RBMS1: variants seen among roughly 807,000 people sequenced by gnomAD.
The protein encoded by RBMS1 is RNA binding motif single stranded interacting protein 1.
A neutral mutation model predicts 62.3 loss-of-function variants in RBMS1; 17 were observed. That is an observed-to-expected ratio of 0.27 (90% CI 0.19 to 0.41). RBMS1 has a LOEUF of 0.41. Ranked by LOEUF, RBMS1 falls within the 10% of genes least tolerant of loss-of-function variation. The pLI is 1.00. For synonymous variants in RBMS1, 172 were observed against 170.0 expected (o/e 1.01, Z -0.09); for missense variants, 334 against 504.5 (o/e 0.66, Z 3.24).
At chr2:160,282,479 C>T in intron 9 of RBMS1, 1 of 403,784 alleles carries the variant, frequency 2.5e-6, no homozygotes, top group Non-Finnish European at 4.8e-6. Context: ...GTGCAGGGCC[C>T]TCACTGGATA....
intron 1 of RBMS1, among the ~76,000 whole-genome samples, chr2:160,437,090 A>G (rs760583386): frequency 2.6e-5 from 4 of 152,176 alleles, no homozygotes; most frequent in Non-Finnish European, 5.9e-5. Flanking sequence ...TTTAGCTTGG[A>G]CCCTGGAAGA....
chr2:160,464,528 G>A (rs1308444151), intron 1 of RBMS1, among the ~76,000 whole-genome samples: 1 of 152,122 alleles, frequency 6.6e-6, no homozygotes, highest in Non-Finnish European at 1.5e-5. Context: ...AGAAAGGCAG[G>A]CAATATTTTC....
chr2:160,296,787 A>G (rs1000459751), intron 6 of RBMS1, among the ~76,000 whole-genome samples: 2 of 152,208 alleles, frequency 1.3e-5, no homozygotes, highest in Non-Finnish European at 2.9e-5. Flanking sequence ...TTGCATAGAA[A>G]AAGTGGCAAA....
At chr2:160,474,696 G>C (rs910441467) in intron 1 of RBMS1, among the ~76,000 whole-genome samples, 2 of 152,106 alleles carry the variant, frequency 1.3e-5, no homozygotes, top group Non-Finnish European at 2.9e-5. Flanking sequence ...TCAAACATTT[G>C]TCATAATCAA....
intron 1 of RBMS1, among the ~76,000 whole-genome samples, chr2:160,446,059 T>A (rs1453532772): frequency 6.6e-6 from 1 of 152,166 alleles, no homozygotes; most frequent in Admixed American, 6.5e-5. Context: ...TGGGCAAGAA[T>A]AGTTTTCTTT....
intron 1 of RBMS1, among the ~76,000 whole-genome samples, chr2:160,436,682 T>C (rs1047958476): frequency 6.6e-6 from 1 of 152,212 alleles, no homozygotes; most frequent in African/African-American, 2.4e-5. Flanking sequence ...ATACAAGAAC[T>C]AACTTTCAGC....
At chr2:160,379,547 C>A (rs772693215) in intron 1 of RBMS1, among the ~76,000 whole-genome samples, 1 of 152,252 alleles carries the variant, frequency 6.6e-6, no homozygotes, top group Non-Finnish European at 1.5e-5. Context: ...CTCTCTTCAT[C>A]TCTTCTGAAG....
At chr2:160,477,217 C>G (rs1237124240) in intron 1 of RBMS1, among the ~76,000 whole-genome samples, 1 of 152,164 alleles carries the variant, frequency 6.6e-6, no homozygotes, top group South Asian at 2.1e-4. Context: ...CGTGGTGGCG[C>G]ATGCCTGTGG....
chr2:160,311,210 A>AATCTCTCTCTCTCTCTCTCTC (rs1407068145), intron 4 of RBMS1, among the ~76,000 whole-genome samples: 2 of 56,610 alleles, frequency 3.5e-5, no homozygotes, highest in Non-Finnish European at 7.3e-5. Flanking sequence ...AAAAAAAAAA[A>AATCTCTCTCTCTCTCTCTCTC]TCTATCTATC....
At chr2:160,408,179 C>T (rs1179712196) in intron 1 of RBMS1, among the ~76,000 whole-genome samples, 1 of 151,834 alleles carries the variant, frequency 6.6e-6, no homozygotes, top group Non-Finnish European at 1.5e-5. Flanking sequence ...GTTCTTTTTC[C>T]CCCTCGGTTC....
At chr2:160,450,469 G>C (rs770625472) in intron 1 of RBMS1, among the ~76,000 whole-genome samples, 7 of 151,228 alleles carry the variant, frequency 4.6e-5, no homozygotes, top group Non-Finnish European at 8.8e-5. Flanking sequence ...GAACCCAGAG[G>C]GCGGAGGCTG....
At chr2:160,313,682 G>T (rs1690059181) in intron 3 of RBMS1, among the ~76,000 whole-genome samples, 1 of 152,096 alleles carries the variant, frequency 6.6e-6, no homozygotes, top group African/African-American at 2.4e-5. Flanking sequence ...CAAAAATTAT[G>T]TTTATTTTGT....
chr2:160,406,881 C>T (rs767336707), intron 1 of RBMS1, among the ~76,000 whole-genome samples: 2 of 152,162 alleles, frequency 1.3e-5, no homozygotes, highest in Non-Finnish European at 2.9e-5. Context: ...CAGGCATATC[C>T]AAGTATCTTC....
chr2:160,380,216 A>T (rs962039509), intron 1 of RBMS1, among the ~76,000 whole-genome samples: 3 of 152,172 alleles, frequency 2.0e-5, no homozygotes, highest in African/African-American at 7.2e-5. Context: ...GCCTAAGTGG[A>T]AACTGGCTTC....
intron 2 of RBMS1, among the ~76,000 whole-genome samples, chr2:160,341,295 A>G (rs1691859041): frequency 6.6e-6 from 1 of 152,138 alleles, no homozygotes; most frequent in East Asian, 1.9e-4. Context: ...ATGTTTTGGT[A>G]TTACAAATGA....
intron 2 of RBMS1, among the ~76,000 whole-genome samples, chr2:160,350,924 G>A (rs527747166): frequency 6.6e-6 from 1 of 152,158 alleles, no homozygotes; most frequent in African/African-American, 2.4e-5. Flanking sequence ...TTGAGGAATC[G>A]CCACACTGTC....
At chr2:160,290,228 G>A (rs186465837) in intron 6 of RBMS1, among the ~76,000 whole-genome samples, 37 of 150,368 alleles carry the variant, frequency 2.5e-4, no homozygotes, top group African/African-American at 9.1e-4. Context: ...TCTATAGAGC[G>A]TACCTTTCAG....
chr2:160,472,460 T>C (rs1286351149), intron 1 of RBMS1, among the ~76,000 whole-genome samples: 4 of 152,192 alleles, frequency 2.6e-5, no homozygotes, highest in Admixed American at 6.5e-5. Flanking sequence ...GCTATAACTA[T>C]AAAATTAGCC....
intron 2 of RBMS1, among the ~76,000 whole-genome samples, chr2:160,324,162 T>C (rs1006870581): frequency 3.9e-5 from 6 of 152,216 alleles, no homozygotes; most frequent in African/African-American, 1.4e-4. Flanking sequence ...TCACCTGAAG[T>C]CCTGGATATG....
Sources: gnomAD v4.1 joint callset for allele counts (sites outside exome capture counted in the v4.1 genomes callset) on GRCh38, gnomAD v4.1.1 for gene constraint, MANE v1.5 for transcripts, NCBI Gene and HGNC (gene_info 2026-07-23, HGNC 2026-07-21) for gene names.